HHAT: variants seen among roughly 807,000 people sequenced by gnomAD.
HHAT encodes hedgehog acyltransferase.
A neutral mutation model predicts 70.8 loss-of-function variants in HHAT; 47 were observed. That is an observed-to-expected ratio of 0.66 (90% CI 0.53 to 0.85). HHAT has a LOEUF of 0.85. Among genes scored for constraint, HHAT ranks in the 40% least tolerant of loss-of-function variants. HHAT has a pLI of 0.00. For missense variants in HHAT, 609 were observed against 604.8 expected (o/e 1.01, Z -0.07); for synonymous variants, 228 against 247.6 (o/e 0.92, Z 0.74).
intron 8 of HHAT, among the ~76,000 whole-genome samples, chr1:210,508,468 TTAAA>T (rs1558053073): frequency 6.6e-6 from 1 of 152,102 alleles, no homozygotes; most frequent in Non-Finnish European, 1.5e-5. Flanking sequence ...TCACATAAAT[TTAAA>T]TAACAGTTTA....
intron 6 of HHAT, among the ~76,000 whole-genome samples, chr1:210,414,038 T>G (rs368122487): frequency 6.6e-6 from 1 of 152,236 alleles, no homozygotes; most frequent in Non-Finnish European, 1.5e-5. Flanking sequence ...AACAAAATAC[T>G]ATAAACTGGT....
At chr1:210,418,347 A>T in intron 7 of HHAT, 22 bp downstream of exon 7, 2 of 1,560,730 alleles carry the variant, frequency 1.3e-6, no homozygotes, top group Non-Finnish European at 1.7e-6. Flanking sequence ...AATCACCAAC[A>T]GTGGGATGAG....
At chr1:210,666,683 C>T (rs1460780430) in intron 11 of HHAT, among the ~76,000 whole-genome samples, 2 of 152,082 alleles carry the variant, frequency 1.3e-5, no homozygotes, top group Non-Finnish European at 2.9e-5. Context: ...CAAGTTTTGC[C>T]ATATTGGCCA....
intron 11 of HHAT, among the ~76,000 whole-genome samples, chr1:210,664,359 A>T (rs931213193): frequency 6.6e-6 from 1 of 152,224 alleles, no homozygotes; most frequent in African/African-American, 2.4e-5. Flanking sequence ...CCCCTATCAG[A>T]TCTGAACATG....
At chr1:210,591,754 T>C (rs2148797391) in intron 10 of HHAT, among the ~76,000 whole-genome samples, 1 of 152,286 alleles carries the variant, frequency 6.6e-6, no homozygotes, top group African/African-American at 2.4e-5. Context: ...AATATCTTAT[T>C]GTAGTTTTGA....
At chr1:210,631,297 A>G (rs1670818510) in intron 11 of HHAT, 2 of 361,720 alleles carry the variant, frequency 5.5e-6, no homozygotes, top group Admixed American at 7.4e-5. Flanking sequence ...ACTATCAGAG[A>G]CAGTCTAAAG....
chr1:210,459,051 T>A (rs1350408379), intron 7 of HHAT, among the ~76,000 whole-genome samples: 2 of 152,208 alleles, frequency 1.3e-5, no homozygotes, highest in East Asian at 1.9e-4. Context: ...AGCTAAATTC[T>A]GTTTTTGATG....
At chr1:210,387,719 A>G in intron 4 of HHAT, 138 bp downstream of exon 4, 1 of 636,070 alleles carries the variant, frequency 1.6e-6, no homozygotes, top group Non-Finnish European at 2.7e-6. Context: ...TTAACAATCA[A>G]TATAACATTT....
At chr1:210,487,444 G>A (rs141994430) in intron 8 of HHAT, among the ~76,000 whole-genome samples, 54 of 152,258 alleles carry the variant, frequency 3.5e-4, no homozygotes, top group African/African-American at 1.3e-3. Flanking sequence ...AAAGACTAGG[G>A]TTATTAGTAT....
intron 7 of HHAT, among the ~76,000 whole-genome samples, chr1:210,447,181 C>T (rs892124607): frequency 6.6e-6 from 1 of 152,186 alleles, no homozygotes; most frequent in African/African-American, 2.4e-5. Flanking sequence ...TCTCAGTGTA[C>T]TTATCTGTAA....
chr1:210,362,092 T>C (rs1385743680), intron 2 of HHAT, among the ~76,000 whole-genome samples: 1 of 152,230 alleles, frequency 6.6e-6, no homozygotes. Context: ...AGATTTTATT[T>C]TATCTTTTGT....
chr1:210,607,731 C>CT (rs1291802257), intron 10 of HHAT, among the ~76,000 whole-genome samples: 112 of 146,758 alleles, frequency 7.6e-4, no homozygotes, highest in South Asian at 2.2e-3. Flanking sequence ...GTTTTCTTTT[C>CT]TTTTTTTTTT....
rs10639399 is a variant in HHAT at position 210,496,010 on chromosome 1, C to CAAAAAAAAA, written c.1008-17131_1008-17123dup. Among the ~76,000 whole-genome samples, 146 of 67,910 alleles carry CAAAAAAAAA rather than the reference C, an allele frequency of 2.1e-3. 4 individuals are homozygous for CAAAAAAAAA. Among genetic ancestry groups the CAAAAAAAAA allele is most frequent in the East Asian group, 2.6e-3 (4 of 1,522 alleles). 44.6% of individuals were successfully genotyped at this position (67,910 alleles called of 152,430 possible). On this transcript the variant is annotated intron_variant, in intron 8 of 11. Transcript: ENST00000261458. ...TGGGCAACAGAGTCAAACTCTATCT[C>CAAAAAAAAA]AAAAAAAAAAAAAAAAAAAAGAAAA...
intron 9 of HHAT, among the ~76,000 whole-genome samples, chr1:210,572,542 G>A (rs537026880): frequency 1.4e-4 from 22 of 152,180 alleles, no homozygotes; most frequent in Non-Finnish European, 2.5e-4. Flanking sequence ...CAATAGAAAC[G>A]TGCTACTAGG....
chr1:210,642,978 T>A (rs1673269544), intron 11 of HHAT, among the ~76,000 whole-genome samples: 1 of 152,228 alleles, frequency 6.6e-6, no homozygotes, highest in African/African-American at 2.4e-5. Context: ...TTTACTTTTT[T>A]AATTTCCCTA....
intron 8 of HHAT, among the ~76,000 whole-genome samples, chr1:210,508,348 G>A (rs10779530): frequency 0.18 from 26,928 of 152,096 alleles, 2,592 homozygotes; most frequent in South Asian, 0.36. Context: ...TGGTAACATG[G>A]AACTAGACCT....
At chr1:210,554,485 G>A (rs771631469) in intron 9 of HHAT, among the ~76,000 whole-genome samples, 2 of 152,096 alleles carry the variant, frequency 1.3e-5, no homozygotes, top group African/African-American at 4.8e-5. Context: ...GGAGACAAAC[G>A]CACCTTTCTC....
At chr1:210,347,146 T>C (rs935993309) in intron 1 of HHAT, among the ~76,000 whole-genome samples, 2 of 152,214 alleles carry the variant, frequency 1.3e-5, no homozygotes, top group Non-Finnish European at 2.9e-5. Flanking sequence ...TCCAACATCT[T>C]TTAACCAACA....
intron 4 of HHAT, among the ~76,000 whole-genome samples, chr1:210,393,852 T>A (rs1572120407): frequency 6.6e-6 from 1 of 152,176 alleles, no homozygotes; most frequent in Admixed American, 6.5e-5. Flanking sequence ...TGGGGCACAG[T>A]GCTTTCTTTG....
Sources: allele counts gnomAD v4.1 joint callset (sites outside exome capture counted in the v4.1 genomes callset), GRCh38; gene constraint gnomAD v4.1.1; transcripts MANE v1.5; gene names NCBI Gene and HGNC (gene_info 2026-07-23, HGNC 2026-07-21).